The following RBFOX1 variants were observed in gnomAD, a reference collection of about 807,000 sequenced individuals.
RBFOX1 encodes RNA binding fox-1 homolog 1.
In RBFOX1, 8 loss-of-function variants were observed where a neutral mutation model predicts 57.7. The ratio of observed to expected loss-of-function variants is 0.14; its 90% CI spans 0.08 to 0.25. The LOEUF (loss-of-function observed/expected upper bound fraction) is 0.25, where lower values mean the gene tolerates loss of function less well. Among genes scored for constraint, RBFOX1 ranks in the 10% least tolerant of loss-of-function variants. RBFOX1 has a pLI of 1.00. For synonymous variants in RBFOX1, 326 were observed against 222.4 expected (o/e 1.47, Z -4.15); for missense variants, 611 against 548.5 (o/e 1.11, Z -1.14).
At chr16:6,773,131 TG>T (rs1193867021) in intron 3 of RBFOX1, among the ~76,000 whole-genome samples, 2 of 123,722 alleles carry the variant, frequency 1.6e-5, no homozygotes, top group African/African-American at 3.2e-5. Context: ...TATTGGGGTG[TG>T]GGGTGCATTT....
chr16:5,711,380 C>G (rs548491629), intron 3 of RBFOX1, among the ~76,000 whole-genome samples: 2 of 152,316 alleles, frequency 1.3e-5, no homozygotes, highest in Admixed American at 1.3e-4. Flanking sequence ...ACCATATAGT[C>G]TTATTTCAGA....
intron 4 of RBFOX1, among the ~76,000 whole-genome samples, chr16:7,223,712 G>GAAAAAAAAAAAAAA (rs71147673): frequency 7.7e-6 from 1 of 130,458 alleles, no homozygotes; most frequent in Non-Finnish European, 1.7e-5. Context: ...CAGTGTTTCA[G>GAAAAAAAAAAAAAA]AAAAAAAAAA....
intron 1 of RBFOX1, among the ~76,000 whole-genome samples, chr16:6,183,673 G>C (rs1371932716): frequency 6.6e-6 from 1 of 152,088 alleles, no homozygotes; most frequent in East Asian, 1.9e-4. Flanking sequence ...TAGAAGATCA[G>C]AAAGAAGGAA....
chr16:5,244,127 C>G (rs955754932), intron 1 of RBFOX1, among the ~76,000 whole-genome samples: 1 of 152,074 alleles, frequency 6.6e-6, no homozygotes, highest in South Asian at 2.1e-4. Flanking sequence ...AAACTCCTGA[C>G]CTGAGGTGAT....
At chr16:7,038,132 G>T (rs950615161) in intron 3 of RBFOX1, among the ~76,000 whole-genome samples, 1 of 152,190 alleles carries the variant, frequency 6.6e-6, no homozygotes, top group Non-Finnish European at 1.5e-5. Context: ...GGGGGATGAT[G>T]GGAAAATCTT....
At chr16:5,702,852 C>T (rs2051101489) in intron 3 of RBFOX1, among the ~76,000 whole-genome samples, 2 of 152,144 alleles carry the variant, frequency 1.3e-5, no homozygotes, top group Admixed American at 6.5e-5. Flanking sequence ...ATAACACCCT[C>T]TATGCCCATA....
chr16:5,625,997 C>T (rs1343226777), intron 3 of RBFOX1, among the ~76,000 whole-genome samples: 1 of 152,256 alleles, frequency 6.6e-6, no homozygotes, highest in Non-Finnish European at 1.5e-5. Context: ...CTGCCTCAGC[C>T]TCCCATGTAG....
chr16:6,343,744 C>T (rs146795509), intron 2 of RBFOX1, among the ~76,000 whole-genome samples: 116 of 152,274 alleles, frequency 7.6e-4, no homozygotes, highest in Non-Finnish European at 1.5e-3. Flanking sequence ...AAGCAGGACT[C>T]GTCTTGAGAT....
intron 1 of RBFOX1, among the ~76,000 whole-genome samples, chr16:6,048,960 A>T (rs934179520): frequency 1.3e-5 from 2 of 151,428 alleles, no homozygotes; most frequent in African/African-American, 4.8e-5. Flanking sequence ...TTTCCCTTGG[A>T]AGGAGCAATG....
At chr16:5,388,396 T>C (rs562924224) in intron 1 of RBFOX1, among the ~76,000 whole-genome samples, 37 of 152,318 alleles carry the variant, frequency 2.4e-4, no homozygotes, top group African/African-American at 8.7e-4. Flanking sequence ...TCAGGCCTTG[T>C]GGTCCAATAG....
At chr16:5,557,480 A>G (rs1193863422) in intron 2 of RBFOX1, among the ~76,000 whole-genome samples, 2 of 152,028 alleles carry the variant, frequency 1.3e-5, no homozygotes, top group African/African-American at 4.8e-5. Context: ...TAATATGACG[A>G]AACAGGTGGG....
chr16:7,275,043 G>C (rs980048518), intron 4 of RBFOX1, among the ~76,000 whole-genome samples: 7 of 152,094 alleles, frequency 4.6e-5, no homozygotes, highest in African/African-American at 7.2e-5. Context: ...GTGGTCGAAG[G>C]GTGGTGGAGA....
intron 4 of RBFOX1, among the ~76,000 whole-genome samples, chr16:7,245,915 C>A (rs528283585): frequency 6.6e-6 from 1 of 152,060 alleles, no homozygotes; most frequent in Admixed American, 6.6e-5. Context: ...ATTCTCCCAG[C>A]CCATAGCAGC....
chr16:7,407,874 C>A (rs902360256), intron 4 of RBFOX1, among the ~76,000 whole-genome samples: 1 of 152,102 alleles, frequency 6.6e-6, no homozygotes. Context: ...GGACTATTTT[C>A]CTAGACAGAA....
intron 4 of RBFOX1, among the ~76,000 whole-genome samples, chr16:7,095,163 GT>G (rs776877856): frequency 1.3e-5 from 2 of 152,030 alleles, no homozygotes; most frequent in African/African-American, 4.8e-5. Flanking sequence ...CCAGGCTGGA[GT>G]TTCACTCTGT....
intron 2 of RBFOX1, among the ~76,000 whole-genome samples, chr16:6,498,097 TA>T (rs886367394): frequency 6.6e-6 from 1 of 151,422 alleles, no homozygotes; most frequent in Non-Finnish European, 1.5e-5. Flanking sequence ...TAAAATGTTA[TA>T]AAAAATAGCC....
At chr16:6,852,670 G>C (rs1284355638) in intron 3 of RBFOX1, among the ~76,000 whole-genome samples, 1 of 151,052 alleles carries the variant, frequency 6.6e-6, no homozygotes, top group Admixed American at 6.6e-5. Context: ...TCCAGGTAAG[G>C]TGCTTGCCTA....
At chr16:6,895,220 C>T (rs1457255804) in intron 3 of RBFOX1, among the ~76,000 whole-genome samples, 2 of 151,762 alleles carry the variant, frequency 1.3e-5, no homozygotes, top group African/African-American at 2.4e-5. Flanking sequence ...CAAGTCCAAA[C>T]CTCAGAGACC....
At chr16:6,969,049 G>C (rs534208205) in intron 3 of RBFOX1, among the ~76,000 whole-genome samples, 1 of 152,176 alleles carries the variant, frequency 6.6e-6, no homozygotes, top group Non-Finnish European at 1.5e-5. Context: ...AGTTAATACA[G>C]TTCCCATCCG....
Sources: allele counts gnomAD v4.1 joint callset (sites outside exome capture counted in the v4.1 genomes callset), GRCh38; gene constraint gnomAD v4.1.1; transcripts MANE v1.5; gene names NCBI Gene and HGNC (gene_info 2026-07-23, HGNC 2026-07-21).